The following GALNT14 variants were observed in gnomAD, a reference collection of about 807,000 sequenced individuals.
The protein encoded by GALNT14 is polypeptide N-acetylgalactosaminyltransferase 14.
Under a neutral mutation model 77.5 loss-of-function variants are expected in GALNT14, and 60 were observed. The ratio of observed to expected loss-of-function variants is 0.77; its 90% CI spans 0.63 to 0.96. The LOEUF (loss-of-function observed/expected upper bound fraction) is 0.96, where lower values mean the gene tolerates loss of function less well. Ranked by LOEUF, GALNT14 falls within the 40% of genes least tolerant of loss-of-function variation. The pLI is 0.00. For missense variants in GALNT14, 710 were observed against 731.0 expected (o/e 0.97, Z 0.33); for synonymous variants, 280 against 281.7 (o/e 0.99, Z 0.06).
chr2:31,122,359 G>C (rs1471701272), intron 1 of GALNT14, among the ~76,000 whole-genome samples: 1 of 152,234 alleles, frequency 6.6e-6, no homozygotes, highest in African/African-American at 2.4e-5. Context: ...CGTGAGTAGA[G>C]GAATCCCCAT....
chr2:30,930,986 C>A (rs1048743301), intron 10 of GALNT14, among the ~76,000 whole-genome samples: 1 of 152,258 alleles, frequency 6.6e-6, no homozygotes, highest in South Asian at 2.1e-4. Flanking sequence ...GGCCGGCCCC[C>A]CTCCAGGCGG....
intron 7 of GALNT14, 121 bp from the exon 8 acceptor site, chr2:30,945,063 TC>T: frequency 1.3e-6 from 1 of 745,834 alleles, no homozygotes; most frequent in Admixed American, 2.9e-5. Context: ...AAGAGGCCGG[TC>T]CCTGGGATTG....
chr2:30,931,883 G>A (rs560891512), intron 10 of GALNT14, among the ~76,000 whole-genome samples, 185 bp downstream of exon 10: 2 of 152,096 alleles, frequency 1.3e-5, no homozygotes, highest in East Asian at 2.0e-4. Context: ...CCCTAACACT[G>A]GATGTGACAG....
At chr2:31,090,446 A>G (rs1162550368) in intron 1 of GALNT14, among the ~76,000 whole-genome samples, 3 of 147,934 alleles carry the variant, frequency 2.0e-5, no homozygotes, top group Admixed American at 1.3e-4. Flanking sequence ...AGAAAGCTCC[A>G]GCTCTGCTTG....
chr2:31,106,121 C>T (rs534140183), intron 1 of GALNT14, among the ~76,000 whole-genome samples: 68 of 152,272 alleles, frequency 4.5e-4, no homozygotes, highest in African/African-American at 1.5e-3. Flanking sequence ...CCCTATCTTT[C>T]GTGTCTAAAA....
the GALNT14 span, among the ~76,000 whole-genome samples, chr2:30,896,889 A>G: frequency 1.2e-4 from 18 of 151,964 alleles, no homozygotes; most frequent in African/African-American, 3.6e-4. Context: ...TGTCAGTAAC[A>G]TAGTTCAGGT....
At chr2:31,106,340 C>T (rs954727015) in intron 1 of GALNT14, among the ~76,000 whole-genome samples, 3 of 152,092 alleles carry the variant, frequency 2.0e-5, no homozygotes, top group Non-Finnish European at 2.9e-5. Flanking sequence ...TAAAATTATG[C>T]TTCTGCTGGC....
At chr2:31,059,558 G>A (rs1478368910) in intron 1 of GALNT14, among the ~76,000 whole-genome samples, 1 of 152,132 alleles carries the variant, frequency 6.6e-6, no homozygotes. Flanking sequence ...AGGCCCAAGA[G>A]AGCTGGGCAT....
intron 1 of GALNT14, among the ~76,000 whole-genome samples, chr2:31,094,053 T>G (rs1217288392): frequency 3.3e-5 from 5 of 152,180 alleles, no homozygotes; most frequent in Non-Finnish European, 5.9e-5. Flanking sequence ...CACGTATACA[T>G]CCAGATGGCC....
In GALNT14 at chr2:31,116,401, T is replaced by C. The variant is rs115101404; in HGVS notation, c.129+21557A>G. On this transcript the variant is annotated intron_variant, in intron 1 of 14. Transcript: ENST00000349752. Reference sequence around the variant, plus strand: ...ATTCAGGTCAACAGAGAGTTATACGTAATTTATAAGAAACATTTTATGCCA... The same window carrying C: ...ATTCAGGTCAACAGAGAGTTATACGCAATTTATAAGAAACATTTTATGCCA... 4.8e-3 allele frequency among the ~76,000 whole-genome samples: 738 copies of C among 152,272 alleles called. 5 individuals are homozygous for C. The highest frequency in any genetic ancestry group is 0.014 in the Middle Eastern group (4 of 294).
At chr2:31,096,942 G>T (rs769694581) in intron 1 of GALNT14, among the ~76,000 whole-genome samples, 2 of 151,958 alleles carry the variant, frequency 1.3e-5, no homozygotes, top group Non-Finnish European at 2.9e-5. Flanking sequence ...TCCTCTAATC[G>T]CGTCCCATTA....
At chr2:31,102,770 C>T (rs1251397541) in intron 1 of GALNT14, among the ~76,000 whole-genome samples, 2 of 152,042 alleles carry the variant, frequency 1.3e-5, no homozygotes, top group South Asian at 2.1e-4. Context: ...AGCGTGTTTT[C>T]GTCTATTTTC....
chr2:30,965,976 C>G (rs1215340575), intron 3 of GALNT14, among the ~76,000 whole-genome samples: 2 of 152,162 alleles, frequency 1.3e-5, no homozygotes, highest in Non-Finnish European at 2.9e-5. Context: ...ACCTTCTGCA[C>G]GTTACCTAAC....
chr2:31,026,561 T>G (rs12613732), intron 1 of GALNT14, among the ~76,000 whole-genome samples: 48,519 of 152,024 alleles, frequency 0.32, 7,996 homozygotes, highest in East Asian at 0.45. Flanking sequence ...CACATGAAGA[T>G]ATTTGCTTCT....
intron 1 of GALNT14, among the ~76,000 whole-genome samples, chr2:31,109,110 A>G (rs1195712228): frequency 6.6e-6 from 1 of 152,182 alleles, no homozygotes; most frequent in East Asian, 1.9e-4. Flanking sequence ...AACACCATAA[A>G]GGGAGGCCTT....
rs1346794504 is a variant in GALNT14 at position 30,952,974 on chromosome 2, C to T, written c.654+2644G>A. Reference sequence around the variant, plus strand: ...TGACCTGAGTTTAAGTAAGGAACACCTTGTCTCTTCTGTATAAAATCCCCT... The same window carrying T: ...TGACCTGAGTTTAAGTAAGGAACACTTTGTCTCTTCTGTATAAAATCCCCT... On this transcript the variant is annotated intron_variant, in intron 6 of 14. Transcript: ENST00000349752. Among the ~76,000 whole-genome samples, 4 of 152,316 alleles carry T rather than the reference C, an allele frequency of 2.6e-5. No individual in the cohort carries two copies. In the East Asian group the frequency reaches 7.7e-4, roughly 29 times the overall value.
At chr2:30,936,095 C>T (rs1040475518) in intron 9 of GALNT14, among the ~76,000 whole-genome samples, 2 of 152,178 alleles carry the variant, frequency 1.3e-5, no homozygotes, top group Admixed American at 6.5e-5. Flanking sequence ...GTAATTATTC[C>T]ATCCTCATCG....
chr2:30,909,138 C>A (rs1243157763), downstream of GALNT14, among the ~76,000 whole-genome samples: 1 of 151,864 alleles, frequency 6.6e-6, no homozygotes, highest in East Asian at 1.9e-4. Flanking sequence ...CCATTCAGGA[C>A]ATAGGCACGG....
intron 2 of GALNT14, among the ~76,000 whole-genome samples, chr2:30,985,792 A>C (rs566731857): frequency 7.9e-4 from 121 of 152,296 alleles, no homozygotes; most frequent in East Asian, 2.7e-3. Flanking sequence ...TGTTTGCAAA[A>C]GCTAAGTATC....
Sources: gnomAD v4.1 joint callset for allele counts (sites outside exome capture counted in the v4.1 genomes callset) on GRCh38, gnomAD v4.1.1 for gene constraint, MANE v1.5 for transcripts, NCBI Gene and HGNC (gene_info 2026-07-23, HGNC 2026-07-21) for gene names.